Variants in RNPEPL1 observed in about 807,000 individuals in gnomAD.
The protein encoded by RNPEPL1 is arginyl aminopeptidase like 1, also known as aminopeptidase RNPEPL1.
A neutral mutation model predicts 69.0 loss-of-function variants in RNPEPL1; 46 were observed. The ratio of observed to expected loss-of-function variants is 0.67; its 90% CI spans 0.53 to 0.85. RNPEPL1 has a LOEUF of 0.85. Ranked by LOEUF, RNPEPL1 falls within the 40% of genes least tolerant of loss-of-function variation. The probability of loss-of-function intolerance (pLI) is 0.00; values close to 1 mark genes in which losing one functional copy is unlikely to be tolerated. For synonymous variants in RNPEPL1, 525 were observed against 454.1 expected, an observed-to-expected ratio of 1.16 and a Z score of -1.98; for missense variants, 869 against 992.5, an observed-to-expected ratio of 0.88 and a Z score of 1.67.
At chr2:240,569,966 T>C (rs2093016601) in intron 1 of RNPEPL1, among the ~76,000 whole-genome samples, 1 of 152,194 alleles carries the variant, frequency 6.6e-6, no homozygotes, top group Admixed American at 6.5e-5. Context: ...CCCAGACCAG[T>C]GCACCCCTAT....
Position 240,577,094 on chromosome 2 carries a change from T to C in RNPEPL1, c.1884+104T>C, listed in dbSNP as rs142755152. 2,257 of 1,437,044 alleles carry C rather than the reference T, an allele frequency of 1.6e-3. 30 individuals are homozygous for C. The African/African-American group carries it at 0.028, about 18-fold the overall frequency. 89.0% of individuals were successfully genotyped at this position (1,437,044 alleles called of 1,614,324 possible). On this transcript the variant is annotated intron_variant, in intron 10 of 10. Transcript: ENST00000270357. ...GAGCCCTTGGGGCAGGCCAGGCACA[T>C]TCTGGAGAATGGGGCGGGGAAGACG... is the stretch of plus-strand genomic sequence containing the variant.
chr2:240,572,638 T>C, intron 2 of RNPEPL1, 75 bp downstream of exon 2: 1 of 1,504,114 alleles, frequency 6.6e-7, no homozygotes, highest in East Asian at 2.5e-5. Flanking sequence ...TCCCCCTTGC[T>C]CCTACCTGCC....
intron 1 of RNPEPL1, among the ~76,000 whole-genome samples, chr2:240,571,696 C>T (rs886480902): frequency 2.0e-4 from 30 of 151,492 alleles, no homozygotes; most frequent in African/African-American, 5.6e-4. Context: ...AGAGGTTTGC[C>T]GGGGGGGTGA....
In RNPEPL1 at chr2:240,577,872, G is replaced by A. The variant is rs2093042362; in HGVS notation, c.2158G>A (p.Asp720Asn). The A allele has an allele frequency of 6.5e-7, 1 of 1,548,254 alleles. No individual in the cohort carries two copies. The stretch of plus-strand genomic sequence containing the variant: ...CCCCAGCAGTGCCATCTCTCTCAGG[G>A]ACGTCAATGTGTCTGCCTAGCCCTG... ...EAPSSAISLR[D>N]VNVSA is the part of the protein sequence containing the mutation. Residue 720 changes from aspartate (D) to asparagine (N), a missense_variant, in exon 11 of 11, where the codon GAC becomes AAC. By Grantham distance (23) the Asp-to-Asn change is conservative. Coordinates refer to ENST00000270357, the MANE Select transcript of RNPEPL1 (RefSeq NM_018226.6).
rs2093048801 is a variant in RNPEPL1 at position 240,580,135 on chromosome 2, C to T, written c.*2243C>T. The T allele has an allele frequency of 6.6e-6, 1 of 152,336 alleles. No individual in the cohort carries two copies. Among genetic ancestry groups the T allele is most frequent in the Non-Finnish European group, 1.5e-5 (1 of 68,142 alleles). 9.4% of individuals were successfully genotyped at this position (152,336 alleles called of 1,614,324 possible). On this transcript the variant is annotated 3_prime_UTR_variant, in exon 11 of 11. Transcript: ENST00000270357. The stretch of plus-strand genomic sequence containing the variant: ...CTTTCAGCCCTAAGTCCTTGTGTTC[C>T]TGACCTTTGTTCCTCTTCCACCCAG...
In RNPEPL1 at chr2:240,575,591, G is replaced by C. The variant is rs778597551; in HGVS notation, c.1491G>C (p.Gln497His). The C allele has an allele frequency of 5.0e-6, 8 of 1,613,274 alleles. No individual in the cohort carries two copies. Among genetic ancestry groups the C allele is most frequent in the Non-Finnish European group, 6.8e-6 (8 of 1,179,950 alleles). The change falls in exon 8 of 11, where the codon CAG becomes CAC. Residue 497 changes from glutamine to histidine, a missense_variant. Physicochemically the swap from Gln to His is conservative, Grantham distance 24. This residue lies in a region of RNPEPL1 where 610 missense variants were observed against 790.9 expected (regional missense o/e 0.77). Coordinates refer to ENST00000270357, the MANE Select transcript of RNPEPL1 (RefSeq NM_018226.6). ...FLSFFPELKEQSVDCRAGLEF... is the reference protein window; with the variant it reads ...FLSFFPELKEHSVDCRAGLEF... ...GCTTCTTCCCGGAGCTGAAGGAGCA[G>C]AGCGTGGACTGCCGGGCAGGTGAGG...
At chr2:240,572,764 C>T (rs1249170924) in intron 2 of RNPEPL1, among the ~76,000 whole-genome samples, 1 of 152,228 alleles carries the variant, frequency 6.6e-6, no homozygotes, top group African/African-American at 2.4e-5. Flanking sequence ...CTCCAACGGG[C>T]CTGAGGGGTC....
chr2:240,576,918 C>A lies in RNPEPL1; in HGVS notation c.1812C>A (p.Arg604=). The A allele has an allele frequency of 6.2e-7, 1 of 1,613,546 alleles. No individual in the cohort carries two copies. Among genetic ancestry groups the A allele is most frequent in the Non-Finnish European group, 8.5e-7 (1 of 1,179,972 alleles). The change falls in exon 10 of 11, where the codon CGC becomes CGA. Residue 604 remains arginine (R), a synonymous_variant. Coordinates refer to ENST00000270357, the MANE Select transcript of RNPEPL1 (RefSeq NM_018226.6). ...LDSMNAEIRI[R]WLQIVVRNDY... ...CGATGAACGCTGAGATCCGCATCCG[C>A]TGGCTGCAGATTGTGGTCCGCAACG...
At chr2:240,571,006 G>C (rs1400776683) in intron 1 of RNPEPL1, among the ~76,000 whole-genome samples, 2 of 152,170 alleles carry the variant, frequency 1.3e-5, no homozygotes, top group Non-Finnish European at 2.9e-5. Flanking sequence ...GGCCACAGGA[G>C]AGGAGTAGTT....
Position 240,580,591 on chromosome 2 carries a change from C to T in RNPEPL1, c.*2699C>T, listed in dbSNP as rs1385242454. On this transcript the variant is annotated 3_prime_UTR_variant, in exon 11 of 11. Transcript: ENST00000270357. ...GATGAACAGAGATCTCAAATGTTTC[C>T]AGGCACCTTGCCAGGGATAAGAGAG... The T allele has an allele frequency of 6.6e-5, 10 of 152,214 alleles. No individual in the cohort carries two copies. Among genetic ancestry groups the T allele is most frequent in the Admixed American group, 6.5e-4 (10 of 15,278 alleles). 9.4% of individuals were successfully genotyped at this position (152,214 alleles called of 1,614,324 possible).
Position 240,577,718 on chromosome 2 carries a change from C to T in RNPEPL1, c.2004C>T (p.Ala668=). 3 of 1,612,670 alleles carry T rather than the reference C, an allele frequency of 1.9e-6. No homozygotes were observed. The highest frequency in any genetic ancestry group is 2.2e-5 in the South Asian group (2 of 91,022). ...QGRLHPNLRR[A]IQQILSQGLG... is the part of the protein sequence containing the mutation. The stretch of plus-strand genomic sequence containing the variant: ...GGCTGCACCCCAACCTGCGCAGAGC[C>T]ATCCAGCAGATCCTGTCCCAGGGCC... Residue 668 remains alanine (A), a synonymous_variant, in exon 11 of 11, where the codon GCC becomes GCT. Coordinates refer to ENST00000270357, the MANE Select transcript of RNPEPL1 (RefSeq NM_018226.6).
chr2:240,573,546 C>T (rs537798975), intron 3 of RNPEPL1, among the ~76,000 whole-genome samples: 79 of 152,380 alleles, frequency 5.2e-4, no homozygotes, highest in Non-Finnish European at 9.4e-4. Context: ...GTCCCTTCAG[C>T]CCAGAGATAA....
At position 240,573,345 on chromosome 2, in the gene RNPEPL1, T is replaced by C. The variant is rs60050801; in HGVS notation, c.821+84T>C. 0.017 allele frequency: 23,802 copies of C among 1,427,264 alleles called. 3,371 individuals carry two copies. In the African/African-American group the frequency reaches 0.3, roughly 18 times the overall value. The allele number at this position is 1,427,264 out of a possible 1,614,324, so 88.4% of individuals were successfully genotyped here. A position where few individuals can be genotyped will look rare whatever the true frequency, so the allele number is the denominator to read the frequency against. ...GGGGTCTGTGGCCTGTGTCCACGGC[T>C]GCCCTGCTGAGGACCCCCACTGGCC... On this transcript the variant is annotated intron_variant, in intron 3 of 10. Coordinates refer to ENST00000270357, the MANE Select transcript of RNPEPL1 (RefSeq NM_018226.6).
Position 240,573,697 on chromosome 2 carries a change from C to CA in RNPEPL1, c.822-77dup. On this transcript the variant is annotated intron_variant, in intron 3 of 10. Transcript: ENST00000270357. ...TGAGGTGTGGGTGTTACTGGAGCCCCAGGGCAGTGGGAGAGCCTGGTGGGG... is the reference window on the plus strand; with the variant it reads ...TGAGGTGTGGGTGTTACTGGAGCCCCAAGGGCAGTGGGAGAGCCTGGTGGGG... The CA allele has an allele frequency of 1.6e-5, 20 of 1,248,290 alleles. No individual in the cohort carries two copies. The South Asian group carries it at 2.5e-4, about 16-fold the overall frequency. 77.3% of individuals were successfully genotyped at this position (1,248,290 alleles called of 1,614,324 possible).
chr2:240,568,984 G>C lies in RNPEPL1; in HGVS notation c.398G>C (p.Cys133Ser), dbSNP rs1338124234. 6.0e-5 allele frequency: 88 copies of C among 1,478,276 alleles called. No homozygotes were observed. In the East Asian group the frequency reaches 2.5e-3, roughly 42 times the overall value. 91.6% of individuals were successfully genotyped at this position (1,478,276 alleles called of 1,614,324 possible). The change falls in exon 1 of 11, where the codon TGT becomes TCT. Residue 133 changes from cysteine (C) to serine (S), a missense_variant. Cys to Ser is a moderately radical substitution (Grantham distance 112, BLOSUM62 -1). Transcript: ENST00000270357. The surrounding 1 kb of genome is among the most constrained non-coding windows in gnomAD (Gnocchi z 6.2). ...PEAPGSEPAC[C>S]PLAFRVDPFT... ...GCGCCCGGCTCCGAGCCCGCCTGCT[G>C]TCCGCTGGCCTTCAGGGTGGACCCG...
chr2:240,576,964 A>G lies in RNPEPL1; in HGVS notation c.1858A>G (p.Arg620Gly). Residue 620 changes from arginine (R) to glycine (G), a missense_variant, in exon 10 of 11, where the codon AGG (arginine) becomes GGG (glycine). Arg to Gly is a moderately radical substitution (Grantham distance 125). Coordinates refer to ENST00000270357, the MANE Select transcript of RNPEPL1 (RefSeq NM_018226.6). Reference sequence around the variant, plus strand: ...CAACGACTACTATCCTGACCTCCACAGGGTGCGGCGCTTCCTGGAGAGCCA... The same window carrying G: ...CAACGACTACTATCCTGACCTCCACGGGGTGCGGCGCTTCCTGGAGAGCCA... ...VRNDYYPDLH[R>G]VRRFLESQMS... The G allele has an allele frequency of 9.3e-6, 15 of 1,613,334 alleles. No individual in the cohort carries two copies. The highest frequency in any genetic ancestry group is 1.3e-5 in the Non-Finnish European group (15 of 1,179,958).
rs1328284738 is a variant in RNPEPL1 at position 240,575,568 on chromosome 2, T to C, written c.1468T>C (p.Phe490Leu). The change falls in exon 8 of 11, where the codon TTC becomes CTC. Residue 490 changes from phenylalanine to leucine, a missense_variant. Physicochemically the swap from Phe to Leu is conservative, Grantham distance 22. Coordinates refer to ENST00000270357, the MANE Select transcript of RNPEPL1 (RefSeq NM_018226.6). ...AQDLLDSFLSFFPELKEQSVD... is the reference protein window; with the variant it reads ...AQDLLDSFLSLFPELKEQSVD... Reference sequence around the variant, plus strand: ...GGACCTGCTGGACTCCTTCCTGAGCTTCTTCCCGGAGCTGAAGGAGCAGAG... The same window carrying C: ...GGACCTGCTGGACTCCTTCCTGAGCCTCTTCCCGGAGCTGAAGGAGCAGAG... 6.2e-7 allele frequency: 1 copy of C among 1,613,442 alleles called. No homozygotes were observed. The highest frequency in any genetic ancestry group is 1.1e-5 in the South Asian group (1 of 91,082).
Position 240,575,605 on chromosome 2 carries a change from G to A in RNPEPL1, c.1505G>A (p.Arg502Gln), listed in dbSNP as rs1274746885. The A allele has an allele frequency of 9.3e-6, 15 of 1,612,706 alleles. No individual in the cohort carries two copies. The highest frequency in any genetic ancestry group is 1.7e-5 in the Admixed American group (1 of 60,002). ...PELKEQSVDCRAGLEFERWLN... is the reference protein window; with the variant it reads ...PELKEQSVDCQAGLEFERWLN... Reference sequence around the variant, plus strand: ...CTGAAGGAGCAGAGCGTGGACTGCCGGGCAGGTGAGGCTGACCCCCAACCC... The same window carrying A: ...CTGAAGGAGCAGAGCGTGGACTGCCAGGCAGGTGAGGCTGACCCCCAACCC... The change falls in exon 8 of 11, where the codon CGG becomes CAG. Residue 502 changes from arginine to glutamine, a missense_variant. Arg to Gln is a conservative substitution (Grantham distance 43). Coordinates refer to ENST00000270357, the MANE Select transcript of RNPEPL1 (RefSeq NM_018226.6).
chr2:240,573,365 C>T, intron 3 of RNPEPL1, 104 bp downstream of exon 3: 6 of 1,342,238 alleles, frequency 4.5e-6, no homozygotes, highest in Non-Finnish European at 4.9e-6. Flanking sequence ...AGGACCCCCA[C>T]TGGCCTCTGG....
Sources: allele counts gnomAD v4.1 joint callset (sites outside exome capture counted in the v4.1 genomes callset), GRCh38; gene constraint gnomAD v4.1.1; regional missense constraint gnomAD v4.1.1; non-coding constraint Gnocchi (gnomAD v3.1); transcripts MANE v1.5; gene names NCBI Gene and HGNC (gene_info 2026-07-23, HGNC 2026-07-21).